The following CSMD1 variants were observed in gnomAD, a reference collection of about 807,000 sequenced individuals.
CSMD1 encodes the protein CUB and sushi domain-containing protein 1.
CSMD1 carries 213 observed loss-of-function variants against 417.5 expected under a neutral mutation model. The ratio of observed to expected loss-of-function variants is 0.51; its 90% CI spans 0.46 to 0.57. The LOEUF (loss-of-function observed/expected upper bound fraction) is 0.57. Ranked by LOEUF, CSMD1 falls within the 20% of genes least tolerant of loss-of-function variation. CSMD1 has a pLI of 0.00. For synonymous variants in CSMD1, 2,862 were observed against 1,736.8 expected (o/e 1.65, Z -16.11); for missense variants, 6,923 against 4,529.7 (o/e 1.53, Z -15.17).
intron 7 of CSMD1, among the ~76,000 whole-genome samples, chr8:3,664,275 C>A (rs895593928): frequency 2.0e-5 from 3 of 152,114 alleles, no homozygotes; most frequent in African/African-American, 7.2e-5. Context: ...TGAGAGAGAA[C>A]ATGCGGTGTT....
intron 3 of CSMD1, among the ~76,000 whole-genome samples, chr8:4,330,789 C>T (rs1365638905): frequency 1.3e-5 from 2 of 152,068 alleles, no homozygotes; most frequent in Non-Finnish European, 2.9e-5. Context: ...TCATTTCTTT[C>T]CCTATCTATC....
At chr8:4,523,547 A>T (rs1483318692) in intron 2 of CSMD1, among the ~76,000 whole-genome samples, 1 of 152,170 alleles carries the variant, frequency 6.6e-6, no homozygotes, top group Non-Finnish European at 1.5e-5. Flanking sequence ...ACTCACACAC[A>T]TGCAGACAGA....
In CSMD1 at chr8:3,726,541, C is replaced by A. The variant is rs144902685; in HGVS notation, c.932-18050G>T. 3.1e-3 allele frequency among the ~76,000 whole-genome samples: 478 copies of A among 152,196 alleles called. 3 individuals carry two copies. The highest frequency in any genetic ancestry group is 0.011 in the African/African-American group (463 of 41,516). ...CTTTATTCTCTTGCATAGTTTGGGTCCAGTGTTTTTGAATCTTCATGTTTT... is the reference window on the plus strand; with the variant it reads ...CTTTATTCTCTTGCATAGTTTGGGTACAGTGTTTTTGAATCTTCATGTTTT... On this transcript the variant is annotated intron_variant, in intron 6 of 69. Transcript: ENST00000635120.
intron 2 of CSMD1, among the ~76,000 whole-genome samples, chr8:4,427,417 T>C (rs1393342144): frequency 6.6e-6 from 1 of 151,790 alleles, no homozygotes; most frequent in Non-Finnish European, 1.5e-5. Flanking sequence ...GTCATAGAAC[T>C]CTCTTGGACT....
chr8:3,333,161 G>C (rs1234201546), intron 23 of CSMD1, among the ~76,000 whole-genome samples: 1 of 152,140 alleles, frequency 6.6e-6, no homozygotes, highest in East Asian at 1.9e-4. Context: ...ACAGCCTGAA[G>C]AGGCCCCTGA....
chr8:2,960,992 A>G (rs1246393730), intron 62 of CSMD1, 149 bp downstream of exon 62: 1 of 224,480 alleles, frequency 4.5e-6, no homozygotes, highest in East Asian at 8.1e-5. Context: ...ACAGTTAAAA[A>G]CACATGTAGA....
intron 1 of CSMD1, among the ~76,000 whole-genome samples, chr8:4,752,434 T>C (rs1811392675): frequency 6.6e-6 from 1 of 152,212 alleles, no homozygotes; most frequent in South Asian, 2.1e-4. Flanking sequence ...GACTGATTGT[T>C]TCATAAAACC....
intron 10 of CSMD1, among the ~76,000 whole-genome samples, chr8:3,513,829 C>T (rs978214669): frequency 6.6e-6 from 1 of 152,132 alleles, no homozygotes; most frequent in African/African-American, 2.4e-5. Context: ...AATAAGAAAA[C>T]TGCATTGCAG....
Position 3,502,620 on chromosome 8 carries a change from C to T in CSMD1, c.1345-8894G>A, listed in dbSNP as rs898332964. ...GAAACAAGCCAATTTTAGAAGGTGACGTGTTGCAACATTTCAACTGCATGA... is the reference window on the plus strand; with the variant it reads ...GAAACAAGCCAATTTTAGAAGGTGATGTGTTGCAACATTTCAACTGCATGA... On this transcript the variant is annotated intron_variant, in intron 10 of 69. Transcript: ENST00000635120. 8.6e-5 allele frequency among the ~76,000 whole-genome samples: 13 copies of T among 152,038 alleles called. No homozygotes were observed. The East Asian group carries it at 1.7e-3, about 20-fold the overall frequency.
intron 6 of CSMD1, among the ~76,000 whole-genome samples, chr8:3,746,714 T>C (rs769237696): frequency 6.6e-6 from 1 of 152,238 alleles, no homozygotes; most frequent in Non-Finnish European, 1.5e-5. Flanking sequence ...TTACAACTAA[T>C]ATTTAAGTGT....
chr8:3,246,453 T>G (rs1799885886), intron 26 of CSMD1, among the ~76,000 whole-genome samples: 1 of 151,968 alleles, frequency 6.6e-6, no homozygotes. Context: ...TCACCCCCAT[T>G]CTCTTTATTT....
At chr8:3,159,438 G>T (rs570429429) in intron 38 of CSMD1, among the ~76,000 whole-genome samples, 1 of 152,130 alleles carries the variant, frequency 6.6e-6, no homozygotes, top group African/African-American at 2.4e-5. Context: ...CAATATTCAG[G>T]ATTTACTTTC....
chr8:4,244,206 C>T (rs747588499), intron 3 of CSMD1, among the ~76,000 whole-genome samples: 4 of 152,124 alleles, frequency 2.6e-5, no homozygotes, highest in African/African-American at 4.8e-5. Context: ...CTGAGCTAGA[C>T]CAAGCAGCAG....
intron 3 of CSMD1, among the ~76,000 whole-genome samples, chr8:4,113,803 G>A (rs531403316): frequency 2.3e-4 from 35 of 152,260 alleles, no homozygotes; most frequent in African/African-American, 7.5e-4. Flanking sequence ...CACCAAACCA[G>A]CTACAACATT....
At chr8:4,588,737 A>T (rs976386769) in intron 2 of CSMD1, among the ~76,000 whole-genome samples, 10 of 151,076 alleles carry the variant, frequency 6.6e-5, no homozygotes, top group Non-Finnish European at 1.5e-4. Context: ...GTAAGCCGAG[A>T]TTGCACCACT....
In CSMD1 at chr8:3,094,705, TAG is replaced by T. The variant is rs560687290; in HGVS notation, c.7138+2142_7138+2143del. On this transcript the variant is annotated intron_variant, in intron 47 of 69. Transcript: ENST00000635120. ...TATGGGATATCCACTACTTAAGCCA[TAG>T]AGAGTAATATACTCTTGAGATAATA... Among the ~76,000 whole-genome samples, 933 of 148,528 alleles carry T rather than the reference TAG, an allele frequency of 6.3e-3. 1 individual carries two copies. Among genetic ancestry groups the T allele is most frequent in the Middle Eastern group, 0.011 (3 of 274 alleles).
intron 7 of CSMD1, among the ~76,000 whole-genome samples, chr8:3,632,231 T>G (rs1289752471): frequency 6.6e-6 from 1 of 152,236 alleles, no homozygotes; most frequent in Non-Finnish European, 1.5e-5. Flanking sequence ...CAATCATTTC[T>G]AGGGCTGGGC....
intron 3 of CSMD1, among the ~76,000 whole-genome samples, chr8:4,328,909 AGT>A (rs1289710035): frequency 1.3e-5 from 2 of 152,232 alleles, no homozygotes; most frequent in Non-Finnish European, 2.9e-5. Context: ...ATATATTGGT[AGT>A]GTGTTGTTTG....
intron 7 of CSMD1, among the ~76,000 whole-genome samples, chr8:3,706,150 G>A (rs116689217): frequency 0.028 from 4,236 of 152,312 alleles, 188 homozygotes; most frequent in African/African-American, 0.096. Context: ...TACTATGGAA[G>A]GCTCCTAAGG....
Sources: allele counts gnomAD v4.1 joint callset (sites outside exome capture counted in the v4.1 genomes callset), GRCh38; gene constraint gnomAD v4.1.1; transcripts MANE v1.5; gene names NCBI Gene and HGNC (gene_info 2026-07-23, HGNC 2026-07-21).